Variants in ELN observed in about 807,000 individuals in gnomAD.
The protein encoded by ELN is elastin, also known as tropoelastin.
In ELN, 65 loss-of-function variants were observed where a neutral mutation model predicts 105.8. That is an observed-to-expected ratio of 0.61 (90% confidence interval 0.50 to 0.75). ELN has a LOEUF of 0.75. Ranked by LOEUF, ELN falls within the 30% of genes least tolerant of loss-of-function variation. The pLI, the probability that ELN is intolerant of heterozygous loss-of-function variation, is 0.00. For missense variants in ELN, 882 were observed against 969.4 expected, an observed-to-expected ratio of 0.91 and a Z score of 1.20; for synonymous variants, 368 against 389.2, an observed-to-expected ratio of 0.95 and a Z score of 0.64.
Position 74,063,824 on chromosome 7 carries a change from C to T in ELN, c.1993+129C>T. The T allele has an allele frequency of 7.6e-7, 1 of 1,319,012 alleles. No individual in the cohort carries two copies. Among genetic ancestry groups the T allele is most frequent in the East Asian group, 2.4e-5 (1 of 41,322 alleles). 81.7% of individuals were successfully genotyped at this position (1,319,012 alleles called of 1,614,324 possible). On this transcript the variant is annotated intron_variant, in intron 29 of 32. Transcript: ENST00000252034. This position sits in a 1 kb window ranked among gnomAD's most constrained non-coding sequence, Gnocchi z 4.1. ...TCTTTGCTCAAGATGTCCTCTTGGC[C>T]AGGTGCGGTGGCTCACGCCTGCAAT...
intron 4 of ELN, among the ~76,000 whole-genome samples, chr7:74,040,862 G>C (rs1477429371): frequency 6.6e-6 from 1 of 152,164 alleles, no homozygotes; most frequent in Admixed American, 6.5e-5. Context: ...CAAGGAAGCA[G>C]AAGAGAGACC....
At chr7:74,036,523 T>TG in intron 2 of ELN, 32 bp from the exon 3 acceptor site, 11 of 1,613,620 alleles carry the variant, frequency 6.8e-6, no homozygotes, top group Non-Finnish European at 9.3e-6. Context: ...GAAGTACCGA[T>TG]GATCTCTCTT....
intron 30 of ELN, 55 bp from the exon 31 acceptor site, chr7:74,065,889 C>CA: frequency 6.2e-7 from 1 of 1,613,702 alleles, no homozygotes; most frequent in Non-Finnish European, 8.5e-7. Flanking sequence ...GCAGGGATAT[C>CA]AGGGCCTCTT....
At chr7:74,045,316 G>C in intron 10 of ELN, 23 bp downstream of exon 10, 2 of 1,613,464 alleles carry the variant, frequency 1.2e-6, no homozygotes, top group Non-Finnish European at 1.7e-6. Flanking sequence ...CTGGACAGAG[G>C]GCTGATGGCA....
intron 29 of ELN, among the ~76,000 whole-genome samples, chr7:74,065,069 C>A (rs948096939): frequency 9.2e-5 from 14 of 151,546 alleles, no homozygotes; most frequent in African/African-American, 1.7e-4. Flanking sequence ...AGCAAGACCC[C>A]CCCCCACCAC....
chr7:74,061,639 G>A (rs1796683278), intron 26 of ELN, among the ~76,000 whole-genome samples: 1 of 152,096 alleles, frequency 6.6e-6, no homozygotes, highest in South Asian at 2.1e-4. Context: ...ACGACAGAGC[G>A]AGACTGTATC....
At chr7:74,037,908 C>CG (rs1790361014) in intron 4 of ELN, 169 bp downstream of exon 4, 2 of 981,100 alleles carry the variant, frequency 2.0e-6, no homozygotes, top group East Asian at 2.7e-5. Flanking sequence ...ATGAGTAGGC[C>CG]GGGGCCAGGT....
At chr7:74,035,839 T>G (rs1325171573) in intron 2 of ELN, among the ~76,000 whole-genome samples, 2 of 151,988 alleles carry the variant, frequency 1.3e-5, no homozygotes, top group Non-Finnish European at 2.9e-5. Flanking sequence ...CTGGGGAGGC[T>G]GAGGCAGGAG....
chr7:74,044,144 G>A (rs892311898), intron 9 of ELN, among the ~76,000 whole-genome samples: 10 of 152,260 alleles, frequency 6.6e-5, no homozygotes, highest in Non-Finnish European at 1.2e-4. Context: ...GGGAGGCTGA[G>A]GTGGGAGGAT....
chr7:74,048,651 C>T (rs1403554790), intron 15 of ELN, 95 bp downstream of exon 15: 8 of 1,470,320 alleles, frequency 5.4e-6, no homozygotes, highest in Non-Finnish European at 7.5e-6. Flanking sequence ...GTGGCCCCTA[C>T]ATACCCCCAT....
At chr7:74,042,463 C>T in intron 5 of ELN, 151 bp from the exon 6 acceptor site, 1 of 683,784 alleles carries the variant, frequency 1.5e-6, no homozygotes, top group Non-Finnish European at 2.5e-6. Flanking sequence ...GAGCAGTGCT[C>T]ACATGGATGT....
chr7:74,030,651 G>A (rs916604132), intron 1 of ELN, among the ~76,000 whole-genome samples: 5 of 151,618 alleles, frequency 3.3e-5, no homozygotes, highest in East Asian at 3.9e-4. Context: ...TCCCACCTCC[G>A]CCTCCCAAAG....
At chr7:74,050,427 A>G (rs1409109934) in intron 15 of ELN, among the ~76,000 whole-genome samples, 1 of 150,292 alleles carries the variant, frequency 6.7e-6, no homozygotes, top group African/African-American at 2.5e-5. Context: ...CCATCAATCC[A>G]TCTATCCATC....
intron 13 of ELN, 43 bp from the exon 14 acceptor site, chr7:74,048,099 G>T: frequency 1.2e-6 from 2 of 1,612,270 alleles, no homozygotes; most frequent in Non-Finnish European, 1.7e-6. Context: ...GGCAGCAGTG[G>T]TGATGTCTGC....
Position 74,051,081 on chromosome 7 carries a change from C to T in ELN, c.800-669C>T, listed in dbSNP as rs547025840. On this transcript the variant is annotated intron_variant, in intron 15 of 32. Transcript: ENST00000252034. The stretch of plus-strand genomic sequence containing the variant: ...AGATGGAACGTGGTATTCCTGTGCC[C>T]GTGCAGTGGGTGGAGTGGGCATCTG... 1.6e-4 allele frequency among the ~76,000 whole-genome samples: 25 copies of T among 152,284 alleles called. 1 individual carries two copies. The South Asian group carries it at 4.4e-3, about 27-fold the overall frequency.
chr7:74,029,524 C>T (rs184889356), intron 1 of ELN, among the ~76,000 whole-genome samples: 114 of 151,596 alleles, frequency 7.5e-4, no homozygotes, highest in East Asian at 3.3e-3. Context: ...GAGAACCAAA[C>T]GCTGAGTGGG....
chr7:74,059,844 G>T (rs564743866), intron 22 of ELN, 42 bp from the exon 23 acceptor site: 1 of 930,218 alleles, frequency 1.1e-6, no homozygotes, highest in Admixed American at 1.7e-5. Context: ...TGTCCTCTTT[G>T]ATCAGGTCTT....
chr7:74,046,096 C>T, intron 10 of ELN, 92 bp from the exon 11 acceptor site: 1 of 1,550,018 alleles, frequency 6.5e-7, no homozygotes. Flanking sequence ...CTGGGAAGAA[C>T]TGGCCATTCC....
intron 3 of ELN, among the ~76,000 whole-genome samples, chr7:74,037,482 C>T (rs1291779458): frequency 1.3e-5 from 2 of 152,222 alleles, no homozygotes; most frequent in East Asian, 3.9e-4. Context: ...GCGTGAGCCA[C>T]CACCCCCAGC....
Sources: gnomAD v4.1 joint callset for allele counts (sites outside exome capture counted in the v4.1 genomes callset) on GRCh38, gnomAD v4.1.1 for gene constraint, Gnocchi (gnomAD v3.1) non-coding constraint, MANE v1.5 for transcripts, NCBI Gene and HGNC (gene_info 2026-07-23, HGNC 2026-07-21) for gene names.